PDYN: variants seen among roughly 807,000 people sequenced by gnomAD.
The protein encoded by PDYN is proenkephalin-B.
Under a neutral mutation model 11.4 loss-of-function variants are expected in PDYN, and 5 were observed. The ratio of observed to expected loss-of-function variants is 0.44; its 90% confidence interval spans 0.23 to 0.92. PDYN has a LOEUF of 0.92. Among genes scored for constraint, PDYN ranks in the 40% least tolerant of loss-of-function variants. The probability of loss-of-function intolerance (pLI) is 0.24; values close to 1 mark genes in which losing one functional copy is unlikely to be tolerated. For synonymous variants in PDYN, 132 were observed against 129.5 expected (o/e 1.02, Z -0.13); for missense variants, 337 against 317.3 (o/e 1.06, Z -0.47).
At chr20:1,993,037 G>C (rs1988517093) in intron 1 of PDYN, among the ~76,000 whole-genome samples, 1 of 147,650 alleles carries the variant, frequency 6.8e-6, no homozygotes, top group Non-Finnish European at 1.5e-5. Flanking sequence ...CTTCAACCTT[G>C]GAGTAGTCAG....
chr20:1,980,171 A>C lies in PDYN; in HGVS notation c.*152T>G. ...GACCCCAGAGAAATAACATACTCCC[A>C]CGCAGAAGAGAGATAGGCTGGGCTT... On this transcript the variant is annotated 3_prime_UTR_variant, in exon 4 of 4. Coordinates refer to ENST00000217305, the MANE Select transcript of PDYN (RefSeq NM_024411.5). 2.4e-6 allele frequency: 2 copies of C among 818,706 alleles called. No homozygotes were observed. Among genetic ancestry groups the C allele is most frequent in the Admixed American group, 1.9e-5 (1 of 54,038 alleles). The allele number at this position is 818,706 out of a possible 1,614,324, so 50.7% of individuals were successfully genotyped here.
intron 2 of PDYN, among the ~76,000 whole-genome samples, chr20:1,990,779 A>G (rs181825422): frequency 2.0e-5 from 3 of 152,192 alleles, no homozygotes; most frequent in African/African-American, 7.2e-5. Context: ...TAAGCTAGAG[A>G]GATATGGAGA....
intron 3 of PDYN, 140 bp downstream of exon 3, chr20:1,982,816 G>T (rs1043813903): frequency 2.4e-6 from 2 of 845,672 alleles, no homozygotes; most frequent in Non-Finnish European, 3.9e-6. Flanking sequence ...CATCTATAGG[G>T]CAGGACACCC....
Position 1,980,264 on chromosome 20 carries a change from A to G in PDYN, c.*59T>C, listed in dbSNP as rs1206746468. On this transcript the variant is annotated 3_prime_UTR_variant, in exon 4 of 4. Coordinates refer to ENST00000217305, the MANE Select transcript of PDYN (RefSeq NM_024411.5). Reference sequence around the variant, plus strand: ...CACATATAAGAGGATGAATGAATGCACTCCAACCTGAAAAGGTGTCAGGGG... The same window carrying G: ...CACATATAAGAGGATGAATGAATGCGCTCCAACCTGAAAAGGTGTCAGGGG... 6.5e-7 allele frequency: 1 copy of G among 1,542,538 alleles called. No individual in the cohort carries two copies. Among genetic ancestry groups the G allele is most frequent in the South Asian group, 1.1e-5 (1 of 89,422 alleles).
rs1306579685 is a variant in PDYN, at chr20:1,979,351, G to T, written c.*972C>A. The T allele has an allele frequency of 1.3e-5, 2 of 152,386 alleles. No homozygotes were observed. Among genetic ancestry groups the T allele is most frequent in the Admixed American group, 1.3e-4 (2 of 15,288 alleles). 9.4% of individuals were successfully genotyped at this position (152,386 alleles called of 1,614,324 possible). On this transcript the variant is annotated 3_prime_UTR_variant, in exon 4 of 4. Coordinates refer to ENST00000217305, the MANE Select transcript of PDYN (RefSeq NM_024411.5). ...GCCAATTCAGCTGCTCAAGAACATG[G>T]TTGTGCTTAACTTCATCAGCTTGAC...
At position 1,979,147 on chromosome 20, in the gene PDYN, CAT is replaced by C. The variant is rs1183161160; in HGVS notation, c.*1174_*1175del. 6.6e-6 allele frequency: 1 copy of C among 152,214 alleles called. No homozygotes were observed. Among genetic ancestry groups the C allele is most frequent in the African/African-American group, 2.4e-5 (1 of 41,462 alleles). The allele number at this position is 152,214 out of a possible 1,614,324, so 9.4% of individuals were successfully genotyped here. ...CAGGGTTATTTGAATCAAGGGAACTCATTTGGCCTCAAGCACTTAATCATTTT... is the reference window on the plus strand; with the variant it reads ...CAGGGTTATTTGAATCAAGGGAACTCTTGGCCTCAAGCACTTAATCATTTT... On this transcript the variant is annotated 3_prime_UTR_variant, in exon 4 of 4. Transcript: ENST00000217305.
At chr20:1,981,838 A>G (rs1490158587) in intron 3 of PDYN, among the ~76,000 whole-genome samples, 2 of 151,860 alleles carry the variant, frequency 1.3e-5, no homozygotes, top group Admixed American at 1.3e-4. Flanking sequence ...ATGTACAAGA[A>G]TCACTTGAAC....
intron 2 of PDYN, among the ~76,000 whole-genome samples, chr20:1,984,210 C>T (rs1000720167): frequency 7.9e-5 from 12 of 152,204 alleles, no homozygotes; most frequent in African/African-American, 2.9e-4. Flanking sequence ...TACCTCAGGG[C>T]CTTTGCACTT....
intron 3 of PDYN, among the ~76,000 whole-genome samples, chr20:1,982,590 C>T (rs1987892769): frequency 6.6e-6 from 1 of 152,162 alleles, no homozygotes; most frequent in Non-Finnish European, 1.5e-5. Flanking sequence ...TCTCATGGAA[C>T]TGTCTAGATT....
intron 2 of PDYN, among the ~76,000 whole-genome samples, chr20:1,990,018 A>T (rs1291027362): frequency 6.6e-6 from 1 of 152,198 alleles, no homozygotes; most frequent in African/African-American, 2.4e-5. Flanking sequence ...GTCACAGAGC[A>T]TGGCAGAGTT....
At chr20:1,994,282 T>A (rs1156976936), upstream of PDYN, 1 of 152,748 alleles carries the variant, frequency 6.5e-6, no homozygotes, top group Non-Finnish European at 1.5e-5. Context: ...AGGGGGCGGA[T>A]TCTGGGTGTA....
chr20:1,983,100 C>T lies in PDYN; in HGVS notation c.-16G>A. Reference sequence around the variant, plus strand: ...GCCAGGCCATCCTGTCTCAGCAATTCCTGCTGGGGAGGAAGAAAGAGAAGA... The same window carrying T: ...GCCAGGCCATCCTGTCTCAGCAATTTCTGCTGGGGAGGAAGAAAGAGAAGA... On this transcript the variant is annotated 5_prime_UTR_variant, in exon 3 of 4. Coordinates refer to ENST00000217305, the MANE Select transcript of PDYN (RefSeq NM_024411.5). The T allele has an allele frequency of 6.2e-7, 1 of 1,612,206 alleles. No homozygotes were observed. Among genetic ancestry groups the T allele is most frequent in the Non-Finnish European group, 8.5e-7 (1 of 1,179,284 alleles).
At chr20:1,987,193 G>T (rs1439321934) in intron 2 of PDYN, among the ~76,000 whole-genome samples, 2 of 152,142 alleles carry the variant, frequency 1.3e-5, no homozygotes, top group African/African-American at 4.8e-5. Context: ...TAGGCCAAGG[G>T]AGAGTTTGCA....
chr20:1,980,323 T>G lies in PDYN; in HGVS notation c.765A>C (p.Ter255TyrextTer7). Residue 255 changes from the stop codon to tyrosine, a stop_lost, in exon 4 of 4, where the codon TAA (stop) becomes TAC (tyrosine). Transcript: ENST00000217305. The stretch of plus-strand genomic sequence containing the variant: ...GACTCTACTCCATGAAAAGAGGTGC[T>G]TATGCATCAAAAAGCTCTCCAGAGT... Reference protein sequence around the residue: ...NAYSGELFDA* With the variant: ...NAYSGELFDAY The G allele has an allele frequency of 1.2e-6, 2 of 1,614,086 alleles. No homozygotes were observed. Among genetic ancestry groups the G allele is most frequent in the Non-Finnish European group, 1.7e-6 (2 of 1,180,010 alleles).
intron 2 of PDYN, among the ~76,000 whole-genome samples, chr20:1,984,903 A>G (rs1988083437): frequency 6.6e-6 from 1 of 152,090 alleles, no homozygotes; most frequent in Non-Finnish European, 1.5e-5. Flanking sequence ...CATCTCAAAA[A>G]AAAAAAGTTG....
intron 2 of PDYN, among the ~76,000 whole-genome samples, chr20:1,985,994 C>G (rs114780284): frequency 3.3e-5 from 5 of 152,190 alleles, no homozygotes; most frequent in Admixed American, 3.3e-4. Context: ...AGGGGACTCA[C>G]GTTAAGATCT....
intron 2 of PDYN, among the ~76,000 whole-genome samples, 152 bp downstream of exon 2, chr20:1,992,432 C>A (rs1988490760): frequency 6.6e-6 from 1 of 152,174 alleles, no homozygotes; most frequent in Non-Finnish European, 1.5e-5. Flanking sequence ...CGCCACATAG[C>A]CTTGGGAACC....
At chr20:1,986,710 A>C (rs1988201809) in intron 2 of PDYN, among the ~76,000 whole-genome samples, 1 of 152,242 alleles carries the variant, frequency 6.6e-6, no homozygotes. Flanking sequence ...TGTCCAAGCT[A>C]TCCCAGCAAG....
In PDYN at chr20:1,980,982, C is replaced by T. The variant is rs755749911; in HGVS notation, c.130-24G>A. On this transcript the variant is annotated intron_variant, in intron 3 of 3. Coordinates refer to ENST00000217305, the MANE Select transcript of PDYN (RefSeq NM_024411.5). ...ATCTGCAAAAGACCCAAAAAGACCA[C>T]AGTGGCAAATGATCAAAACACATGC... 1.7e-5 allele frequency: 28 copies of T among 1,612,984 alleles called. No individual in the cohort carries two copies. The Admixed American group carries it at 4.7e-4, about 27-fold the overall frequency.
Sources: allele counts gnomAD v4.1 joint callset (sites outside exome capture counted in the v4.1 genomes callset), GRCh38; gene constraint gnomAD v4.1.1; transcripts MANE v1.5; gene names NCBI Gene and HGNC (gene_info 2026-07-23, HGNC 2026-07-21).